Variants in WWOX observed in about 807,000 individuals in gnomAD.
The protein encoded by WWOX is WW domain-containing oxidoreductase.
Under a neutral mutation model 46.2 loss-of-function variants are expected in WWOX, and 69 were observed. The observed-to-expected ratio is 1.49, with a 90% CI of 1.23 to 1.82. The LOEUF is 1.82. Ranked by LOEUF, WWOX falls within the 40% of genes most tolerant of loss-of-function variation. WWOX has a pLI of 0.00. For missense variants in WWOX, 919 were observed against 542.6 expected, an observed-to-expected ratio of 1.69 and a Z score of -6.89; for synonymous variants, 359 against 202.6, an observed-to-expected ratio of 1.77 and a Z score of -6.56.
intron 8 of WWOX, among the ~76,000 whole-genome samples, chr16:78,821,551 C>A (rs2051494423): frequency 6.6e-6 from 1 of 152,194 alleles, no homozygotes; most frequent in Admixed American, 6.5e-5. Flanking sequence ...TCACCCATTC[C>A]CAACAGTGTC....
intron 8 of WWOX, among the ~76,000 whole-genome samples, chr16:79,103,135 C>A (rs1019180939): frequency 1.3e-5 from 2 of 152,220 alleles, no homozygotes; most frequent in African/African-American, 4.8e-5. Context: ...TTGTTGATCT[C>A]TGCTGAGTCT....
intron 4 of WWOX, among the ~76,000 whole-genome samples, chr16:78,126,825 G>A (rs72802977): frequency 6.6e-6 from 1 of 152,158 alleles, no homozygotes; most frequent in African/African-American, 2.4e-5. Context: ...CTTTGCAATG[G>A]TGGTGGAGTC....
intron 8 of WWOX, among the ~76,000 whole-genome samples, chr16:78,799,867 C>T (rs145169059): frequency 3.6e-4 from 55 of 152,090 alleles, no homozygotes; most frequent in Non-Finnish European, 4.4e-5. Context: ...AGTCAAAGTT[C>T]CAGTTATGTA....
chr16:78,974,031 A>C (rs1317014529), intron 8 of WWOX, among the ~76,000 whole-genome samples: 1 of 152,214 alleles, frequency 6.6e-6, no homozygotes, highest in African/African-American at 2.4e-5. Flanking sequence ...ATTTATGTTG[A>C]ATGTTTAAAA....
chr16:78,488,473 C>G (rs1479845096), intron 8 of WWOX, among the ~76,000 whole-genome samples: 2 of 152,130 alleles, frequency 1.3e-5, no homozygotes, highest in Admixed American at 6.5e-5. Flanking sequence ...CTGAGATTCC[C>G]TCTTTAAGGA....
At chr16:78,859,345 T>C (rs2052662782) in intron 8 of WWOX, among the ~76,000 whole-genome samples, 2 of 152,068 alleles carry the variant, frequency 1.3e-5, no homozygotes, top group African/African-American at 4.8e-5. Context: ...TCCTGCAATT[T>C]CTAATAAATT....
intron 8 of WWOX, among the ~76,000 whole-genome samples, chr16:78,937,242 A>AT (rs558164863): frequency 6.6e-6 from 1 of 152,098 alleles, no homozygotes; most frequent in Non-Finnish European, 1.5e-5. Context: ...AGTATTTCAA[A>AT]TTTACCTGAA....
chr16:78,991,593 C>A (rs1164817669), intron 8 of WWOX, among the ~76,000 whole-genome samples: 1 of 17,356 alleles, frequency 5.8e-5, no homozygotes, highest in Non-Finnish European at 1.3e-4. Context: ...ACAGCAAGAC[C>A]TTGTCTCAAA....
At chr16:78,324,879 A>G (rs1020803864) in intron 5 of WWOX, among the ~76,000 whole-genome samples, 2 of 152,224 alleles carry the variant, frequency 1.3e-5, no homozygotes, top group East Asian at 1.9e-4. Flanking sequence ...TGTACTAAAA[A>G]TCATTGAATT....
At chr16:79,089,283 C>G (rs919913403) in intron 8 of WWOX, among the ~76,000 whole-genome samples, 16 of 150,728 alleles carry the variant, frequency 1.1e-4, no homozygotes, top group African/African-American at 3.7e-4. Context: ...AAGTTCCTGG[C>G]AAAGGTTTGA....
At chr16:79,062,654 C>G (rs2048376207) in intron 8 of WWOX, among the ~76,000 whole-genome samples, 1 of 152,064 alleles carries the variant, frequency 6.6e-6, no homozygotes, top group South Asian at 2.1e-4. Context: ...TTCTGCAAAC[C>G]TGAAAATAAG....
chr16:79,150,553 G>A (rs1411670137), intron 8 of WWOX, among the ~76,000 whole-genome samples: 1 of 152,158 alleles, frequency 6.6e-6, no homozygotes, highest in Non-Finnish European at 1.5e-5. Flanking sequence ...CATTATTGAC[G>A]TCCAGCTGAA....
intron 8 of WWOX, among the ~76,000 whole-genome samples, chr16:78,673,932 A>C (rs2047525812): frequency 6.6e-6 from 1 of 152,126 alleles, no homozygotes; most frequent in Non-Finnish European, 1.5e-5. Context: ...TTGAGTTATG[A>C]GGGTGTATTA....
chr16:78,640,590 T>C (rs2046683905), intron 8 of WWOX, among the ~76,000 whole-genome samples: 1 of 152,112 alleles, frequency 6.6e-6, no homozygotes, highest in African/African-American at 2.4e-5. Flanking sequence ...CACATTTACC[T>C]ATGTAACAAA....
At chr16:78,676,145 G>A (rs991026791) in intron 8 of WWOX, among the ~76,000 whole-genome samples, 9 of 151,788 alleles carry the variant, frequency 5.9e-5, no homozygotes, top group Non-Finnish European at 1.3e-4. Context: ...AGCCCCCAAG[G>A]GTTCAAATTC....
At chr16:78,605,405 T>C (rs2045731600) in intron 8 of WWOX, among the ~76,000 whole-genome samples, 1 of 151,576 alleles carries the variant, frequency 6.6e-6, no homozygotes, top group African/African-American at 2.4e-5. Context: ...ACAGGGCTCA[T>C]GTCAAGGGAG....
At chr16:78,099,957 G>T in intron 1 of WWOX, 72 bp downstream of exon 1, 1 of 1,529,654 alleles carries the variant, frequency 6.5e-7, no homozygotes, top group Non-Finnish European at 8.8e-7. Context: ...CCTGCGCGGG[G>T]AGGACGCGCA....
At chr16:79,074,501 A>T (rs148203996) in intron 8 of WWOX, among the ~76,000 whole-genome samples, 167 of 130,686 alleles carry the variant, frequency 1.3e-3, no homozygotes, top group African/African-American at 4.2e-3. Context: ...GTGTGGGGGA[A>T]TGGAGAGACC....
intron 8 of WWOX, among the ~76,000 whole-genome samples, chr16:78,776,100 T>G (rs969434272): frequency 2.6e-5 from 4 of 152,206 alleles, no homozygotes; most frequent in African/African-American, 4.8e-5. Context: ...ACTTCCAAAC[T>G]TAGAAGATAC....
Sources: gnomAD v4.1 joint callset for allele counts (sites outside exome capture counted in the v4.1 genomes callset) on GRCh38, gnomAD v4.1.1 for gene constraint, MANE v1.5 for transcripts, NCBI Gene and HGNC (gene_info 2026-07-23, HGNC 2026-07-21) for gene names.